SHISA9: variants seen among roughly 807,000 people sequenced by gnomAD.
SHISA9 encodes shisa family member 9, also known as protein shisa-9.
Under a neutral mutation model 38.0 loss-of-function variants are expected in SHISA9, and 13 were observed. The observed-to-expected ratio is 0.34, with a 90% CI of 0.22 to 0.54. SHISA9 has a LOEUF of 0.54. Among genes scored for constraint, SHISA9 ranks in the 20% least tolerant of loss-of-function variants. The pLI, the probability that SHISA9 is intolerant of heterozygous loss-of-function variation, is 0.91. For synonymous variants in SHISA9, 275 were observed against 242.0 expected (o/e 1.14, Z -1.27); for missense variants, 538 against 575.8 (o/e 0.93, Z 0.67).
downstream of SHISA9, among the ~76,000 whole-genome samples, chr16:13,241,375 G>A (rs575155563): frequency 3.3e-5 from 5 of 152,210 alleles, no homozygotes; most frequent in South Asian, 2.1e-4. Context: ...GTGTGGTGGC[G>A]CATGCCTGTA....
At chr16:13,529,900 T>C in the SHISA9 span, among the ~76,000 whole-genome samples, 2 of 152,330 alleles carry the variant, frequency 1.3e-5, no homozygotes, top group Non-Finnish European at 2.9e-5. Flanking sequence ...CCTATTCTCT[T>C]GATTGGTTCA....
chr16:13,442,116 C>G, the SHISA9 span, among the ~76,000 whole-genome samples: 657 of 152,348 alleles, frequency 4.3e-3, 7 homozygotes, highest in African/African-American at 0.015. Context: ...ATTGCCAGAT[C>G]TTCCAAGTCT....
the SHISA9 span, among the ~76,000 whole-genome samples, chr16:13,372,908 T>C: frequency 1.2e-5 from 1 of 84,322 alleles, no homozygotes; most frequent in Non-Finnish European, 2.4e-5. Flanking sequence ...GAAATTTTAA[T>C]GACATAGATA....
intron 2 of SHISA9, among the ~76,000 whole-genome samples, chr16:12,955,687 G>A (rs148848973): frequency 4.9e-4 from 74 of 150,704 alleles, no homozygotes; most frequent in Non-Finnish European, 7.4e-4. Context: ...ATGGTACTGG[G>A]AGAATTGGCT....
intron 2 of SHISA9, among the ~76,000 whole-genome samples, chr16:13,060,206 C>G (rs1214744377): frequency 6.6e-6 from 1 of 152,158 alleles, no homozygotes; most frequent in East Asian, 1.9e-4. Context: ...ATTATTGAAG[C>G]TGGAGGGACA....
chr16:12,924,212 C>T (rs1330651242), intron 2 of SHISA9, among the ~76,000 whole-genome samples: 1 of 152,100 alleles, frequency 6.6e-6, no homozygotes, highest in Non-Finnish European at 1.5e-5. Flanking sequence ...GAAAGGTGTG[C>T]ATGAGGAGGG....
intron 2 of SHISA9, among the ~76,000 whole-genome samples, chr16:12,970,435 A>G (rs1198509120): frequency 5.0e-5 from 4 of 80,466 alleles, no homozygotes; most frequent in African/African-American, 2.2e-4. Context: ...ATGTATATAT[A>G]TATACACACA....
At chr16:12,918,938 A>G (rs1396291503) in intron 2 of SHISA9, among the ~76,000 whole-genome samples, 1 of 152,226 alleles carries the variant, frequency 6.6e-6, no homozygotes, top group Admixed American at 6.5e-5. Context: ...ACCGGTTTAT[A>G]TTAATAAGCT....
intron 2 of SHISA9, among the ~76,000 whole-genome samples, chr16:13,014,241 T>C (rs1368520833): frequency 6.6e-6 from 1 of 152,144 alleles, no homozygotes; most frequent in East Asian, 1.9e-4. Flanking sequence ...TGTGCCTGAA[T>C]CCAGAGCCAT....
chr16:13,082,844 A>T (rs1414599000), intron 2 of SHISA9, among the ~76,000 whole-genome samples: 1 of 152,224 alleles, frequency 6.6e-6, no homozygotes, highest in Non-Finnish European at 1.5e-5. Context: ...GAAAAGATGG[A>T]AAGTTCATCC....
chr16:13,008,669 C>G (rs866862565), intron 2 of SHISA9, among the ~76,000 whole-genome samples: 1 of 126,604 alleles, frequency 7.9e-6, no homozygotes, highest in East Asian at 2.6e-4. Context: ...CTCCCTTCCT[C>G]CCTCCCTCCC....
chr16:12,908,442 T>C (rs1192436178), intron 1 of SHISA9: 254 of 1,550,408 alleles, frequency 1.6e-4, no homozygotes, highest in Non-Finnish European at 2.1e-4. Flanking sequence ...TATGTGTAAA[T>C]TCTCGTTTAA....
At chr16:13,519,536 A>G in the SHISA9 span, among the ~76,000 whole-genome samples, 1 of 152,184 alleles carries the variant, frequency 6.6e-6, no homozygotes, top group African/African-American at 2.4e-5. Flanking sequence ...TTCAGTAGCT[A>G]CAGCTATAGC....
At chr16:12,970,491 ATATATATTTTTTTTTTTTT>A (rs2072063684) in intron 2 of SHISA9, among the ~76,000 whole-genome samples, 7 of 28,218 alleles carry the variant, frequency 2.5e-4, no homozygotes, top group African/African-American at 7.9e-4. Flanking sequence ...ATATATATAT[ATATATATTTTTTTTTTTTT>A]TTTTTTTTTT....
At chr16:13,396,925 C>T in the SHISA9 span, among the ~76,000 whole-genome samples, 3 of 152,098 alleles carry the variant, frequency 2.0e-5, no homozygotes, top group Non-Finnish European at 4.4e-5. Context: ...CTGCACAGAT[C>T]CACATATATG....
At chr16:13,175,232 A>T (rs1419197775) in intron 2 of SHISA9, among the ~76,000 whole-genome samples, 1 of 151,944 alleles carries the variant, frequency 6.6e-6, no homozygotes, top group Non-Finnish European at 1.5e-5. Flanking sequence ...AAAAAAGAAA[A>T]GAAAAAATTA....
At chr16:13,499,816 A>C in the SHISA9 span, among the ~76,000 whole-genome samples, 1 of 152,174 alleles carries the variant, frequency 6.6e-6, no homozygotes, top group Non-Finnish European at 1.5e-5. Flanking sequence ...ATGGAGAATG[A>C]TTCTCAGACC....
chr16:13,475,089 A>G, the SHISA9 span, among the ~76,000 whole-genome samples: 2 of 152,178 alleles, frequency 1.3e-5, no homozygotes, highest in African/African-American at 4.8e-5. Flanking sequence ...GAAAGTAAGA[A>G]AATGAATTAG....
chr16:13,363,150 G>A, the SHISA9 span, among the ~76,000 whole-genome samples: 60 of 152,090 alleles, frequency 3.9e-4, 2 homozygotes, highest in Non-Finnish European at 1.0e-4. Context: ...AGTCTATATG[G>A]GTAAACAAGC....
Sources: allele counts gnomAD v4.1 joint callset (sites outside exome capture counted in the v4.1 genomes callset), GRCh38; gene constraint gnomAD v4.1.1; transcripts MANE v1.5; gene names NCBI Gene and HGNC (gene_info 2026-07-23, HGNC 2026-07-21).